Variants in GOLGA8T observed in about 807,000 individuals in gnomAD.
The protein encoded by GOLGA8T is golgin subfamily A member 8T.
In GOLGA8T, 17 loss-of-function variants were observed where a neutral mutation model predicts 52.0. The ratio of observed to expected loss-of-function variants is 0.33; its 90% CI spans 0.22 to 0.49. The LOEUF (loss-of-function observed/expected upper bound fraction) is 0.49. Ranked by LOEUF, GOLGA8T falls within the 20% of genes least tolerant of loss-of-function variation. GOLGA8T has a pLI of 0.99. For synonymous variants in GOLGA8T, 67 were observed against 169.5 expected, an observed-to-expected ratio of 0.40 and a Z score of 4.70; for missense variants, 154 against 462.1, an observed-to-expected ratio of 0.33 and a Z score of 6.11.
At position 30,140,566 on chromosome 15, in the gene GOLGA8T, T is replaced by C. The variant is rs947138253; in HGVS notation, c.592-276T>C. ...GTTAGCACGGTACCTGGTGAAGCATTCCACAAAGGTTCAAACAGTGGTAAT... is the reference window on the plus strand; with the variant it reads ...GTTAGCACGGTACCTGGTGAAGCATCCCACAAAGGTTCAAACAGTGGTAAT... On this transcript the variant is annotated intron_variant, in intron 8 of 18. Transcript: ENST00000569052. Among the ~76,000 whole-genome samples, 104 of 137,246 alleles carry C rather than the reference T, an allele frequency of 7.6e-4. 1 individual carries two copies. Among genetic ancestry groups the C allele is most frequent in the African/African-American group, 1.6e-3 (53 of 32,222 alleles). 90.0% of individuals were successfully genotyped at this position (137,246 alleles called of 152,430 possible).
At chr15:30,143,503 C>T (rs2057775094) in intron 13 of GOLGA8T, 103 bp from the exon 14 acceptor site, 1 of 1,363,864 alleles carries the variant, frequency 7.3e-7, no homozygotes, top group Non-Finnish European at 9.6e-7. Flanking sequence ...GATGGCCTGC[C>T]AAAAGTTGCA....
In GOLGA8T at chr15:30,142,390, A is replaced by G. The variant is rs1443413283; in HGVS notation, c.1200+8A>G. 4 of 1,563,400 alleles carry G rather than the reference A, an allele frequency of 2.6e-6. No individual in the cohort carries two copies. The highest frequency in any genetic ancestry group is 2.3e-5 in the South Asian group (2 of 87,838). Reference sequence around the variant, plus strand: ...CAGGAGAAGCTTGGCGAGGTGAAGGAGACGGAAACCTCCACCCCATCCAAG... The same window carrying G: ...CAGGAGAAGCTTGGCGAGGTGAAGGGGACGGAAACCTCCACCCCATCCAAG... On this transcript the variant is annotated splice_region_variant and intron_variant, in intron 13 of 18. Coordinates refer to ENST00000569052, the MANE Select transcript of GOLGA8T (RefSeq NM_001355469.2).
intron 2 of GOLGA8T, among the ~76,000 whole-genome samples, 196 bp downstream of exon 2, chr15:30,137,181 T>A (rs1230790665): frequency 2.7e-5 from 4 of 146,188 alleles, no homozygotes; most frequent in African/African-American, 1.0e-4. Flanking sequence ...ATCGAGACCA[T>A]CCTGGTTAAC....
In GOLGA8T at chr15:30,142,503, C is replaced by A. The variant is rs1020245769; in HGVS notation, c.1200+121C>A. 4.6e-6 allele frequency: 7 copies of A among 1,508,672 alleles called. 1 individual carries two copies. Among genetic ancestry groups the A allele is most frequent in the East Asian group, 5.0e-5 (2 of 39,858 alleles). 93.5% of individuals were successfully genotyped at this position (1,508,672 alleles called of 1,614,324 possible). A position where few individuals can be genotyped will look rare whatever the true frequency, so the allele number is the denominator to read the frequency against. On this transcript the variant is annotated intron_variant, in intron 13 of 18. Transcript: ENST00000569052. ...AGCCTGGGGGCTGGTGACCACAGCA[C>A]CCCCCAGGGCAGTCCTGTTTCTTGC...
In GOLGA8T at chr15:30,142,425, G is replaced by A; in HGVS notation, c.1200+43G>A. ...CTCCACCCCATCCAAGAAGGGCTGG[G>A]AGGCGGGCAGCAGACTCTGGGGAGG... On this transcript the variant is annotated intron_variant, in intron 13 of 18. Transcript: ENST00000569052. The A allele has an allele frequency of 1.3e-6, 2 of 1,579,672 alleles. 1 individual carries two copies. The highest frequency in any genetic ancestry group is 2.9e-5 in the African/African-American group (2 of 69,496).
Position 30,148,577 on chromosome 15 carries a change from G to A in GOLGA8T, c.*3010G>A, listed in dbSNP as rs2057847139. 7.3e-6 allele frequency among the ~76,000 whole-genome samples: 1 copy of A among 137,694 alleles called. No homozygotes were observed. The highest frequency in any genetic ancestry group is 2.5e-4 in the South Asian group (1 of 4,032). 90.3% of individuals were successfully genotyped at this position (137,694 alleles called of 152,430 possible). ...GGGAACGAAAAGCAGAGAAAGAAAT[G>A]CCAATTCCAGTCCAAAGTTTTATTT... On this transcript the variant is annotated 3_prime_UTR_variant, in exon 19 of 19. Coordinates refer to ENST00000569052, the MANE Select transcript of GOLGA8T (RefSeq NM_001355469.2).
intron 13 of GOLGA8T, among the ~76,000 whole-genome samples, chr15:30,143,382 C>T (rs2057772968): frequency 1.7e-5 from 2 of 118,078 alleles, no homozygotes; most frequent in South Asian, 2.5e-4. Context: ...ACGTGGCCAC[C>T]TATCAGCAGC....
Position 30,141,913 on chromosome 15 carries a change from A to G in GOLGA8T, c.986A>G (p.Asn329Ser). The G allele has an allele frequency of 2.0e-6, 1 of 494,894 alleles. No homozygotes were observed. The highest frequency in any genetic ancestry group is 3.3e-6 in the Non-Finnish European group (1 of 303,112). The allele number at this position is 494,894 out of a possible 1,614,324, so 30.7% of individuals were successfully genotyped here. ...AGELQAQVKK[N>S]QRISLLNQRQ... ...GAGCTCCAGGCCCAGGTCAAAAAGA[A>G]TCAGCGCATAAGTCTCCTGAACCAG... The change falls in exon 12 of 19, where the codon AAT becomes AGT. Residue 329 changes from asparagine to serine, a missense_variant. By Grantham distance (46) the Asn-to-Ser change is conservative (BLOSUM62 1). Around this residue, in one of 6 missense-constraint regions of GOLGA8T, gnomAD observed 54 missense variants for 51.5 expected, o/e 1.05. Transcript: ENST00000569052.
chr15:30,142,298 G>A lies in GOLGA8T; in HGVS notation c.1132-16G>A. 6.8e-7 allele frequency: 1 copy of A among 1,480,574 alleles called. No homozygotes were observed. The highest frequency in any genetic ancestry group is 1.2e-5 in the South Asian group (1 of 84,632). 91.7% of individuals were successfully genotyped at this position (1,480,574 alleles called of 1,614,324 possible). On this transcript the variant is annotated splice_polypyrimidine_tract_variant and intron_variant, in intron 12 of 18. Coordinates refer to ENST00000569052, the MANE Select transcript of GOLGA8T (RefSeq NM_001355469.2). ...CAGCTGCAGTGGGTGGCTGCTGATT[G>A]CTTCTCTCTGTCCAGAACAATGAGA...
Position 30,141,480 on chromosome 15 carries a change from G to T in GOLGA8T, c.874+55G>T. ...AGGACTGGCATCAGAGGGCTGTGAGGGTGGCTTAGAGTGCCCCAGGGAGGT... is the reference window on the plus strand; with the variant it reads ...AGGACTGGCATCAGAGGGCTGTGAGTGTGGCTTAGAGTGCCCCAGGGAGGT... On this transcript the variant is annotated intron_variant, in intron 11 of 18. Coordinates refer to ENST00000569052, the MANE Select transcript of GOLGA8T (RefSeq NM_001355469.2). The T allele has an allele frequency of 1.3e-6, 2 of 1,507,656 alleles. 1 individual carries two copies. Among genetic ancestry groups the T allele is most frequent in the Non-Finnish European group, 1.8e-6 (2 of 1,139,808 alleles). 93.4% of individuals were successfully genotyped at this position (1,507,656 alleles called of 1,614,324 possible).
Position 30,142,350 on chromosome 15 carries a change from C to G in GOLGA8T, c.1168C>G (p.Gln390Glu). 6.4e-7 allele frequency: 1 copy of G among 1,551,500 alleles called. No individual in the cohort carries two copies. ...ENKNALQLEQ[Q>E]VKELQEKLGE... is the part of the protein sequence containing the mutation. ...CAAGAACGCACTGCAGTTGGAGCAG[C>G]AAGTAAAGGAGCTACAGGAGAAGCT... The change falls in exon 13 of 19, where the codon CAA becomes GAA. Residue 390 changes from glutamine (Q) to glutamate (E), a missense_variant. By Grantham distance (29) the Gln-to-Glu change is conservative. Around this residue, in one of 6 missense-constraint regions of GOLGA8T, gnomAD observed 54 missense variants for 51.5 expected, o/e 1.05. Transcript: ENST00000569052.
At chr15:30,140,570 C>T (rs2057728856) in intron 8 of GOLGA8T, among the ~76,000 whole-genome samples, 1 of 137,826 alleles carries the variant, frequency 7.3e-6, no homozygotes, top group Admixed American at 7.1e-5. Flanking sequence ...AAGCATTCCA[C>T]AAAGGTTCAA....
chr15:30,141,493 G>A, intron 11 of GOLGA8T, 68 bp downstream of exon 11: 1 of 1,420,842 alleles, frequency 7.0e-7, no homozygotes, highest in Non-Finnish European at 9.4e-7. Flanking sequence ...GGCTTAGAGT[G>A]CCCCAGGGAG....
intron 13 of GOLGA8T, 31 bp downstream of exon 13, chr15:30,142,413 A>G (rs780924859): frequency 1.3e-6 from 2 of 1,574,772 alleles, no homozygotes; most frequent in Non-Finnish European, 1.7e-6. Flanking sequence ...CACCCCATCC[A>G]AGAAGGGCTG....
In GOLGA8T at chr15:30,145,543, T is replaced by C; in HGVS notation, c.1872T>C (p.Ala624=). 6.6e-7 allele frequency: 1 copy of C among 1,522,236 alleles called. No homozygotes were observed. Among genetic ancestry groups the C allele is most frequent in the Non-Finnish European group, 8.7e-7 (1 of 1,150,988 alleles). The allele number at this position is 1,522,236 out of a possible 1,614,324, so 94.3% of individuals were successfully genotyped here. The stretch of plus-strand genomic sequence containing the variant: ...GCTGTGTGCCATTCTTGTGCTGGGC[T>C]TGGCTGCCAAGAAGAAGGAGATAAA... ...SNCCVPFLCW[A]WLPRRRR is the part of the protein sequence containing the mutation. The change falls in exon 19 of 19, where the codon GCT becomes GCC. Residue 624 remains alanine (A), a synonymous_variant. Coordinates refer to ENST00000569052, the MANE Select transcript of GOLGA8T (RefSeq NM_001355469.2).
Position 30,145,656 on chromosome 15 carries a change from C to T in GOLGA8T, c.*89C>T, listed in dbSNP as rs1203864823. 2.4e-6 allele frequency: 2 copies of T among 838,890 alleles called. No individual in the cohort carries two copies. The highest frequency in any genetic ancestry group is 3.5e-6 in the Non-Finnish European group (2 of 569,318). 52.0% of individuals were successfully genotyped at this position (838,890 alleles called of 1,614,324 possible). ...ATCTCCTACACAATTCATTTACTTC[C>T]TTTGAATGTTAGACTCACTCATGAT... is the stretch of plus-strand genomic sequence containing the variant. On this transcript the variant is annotated 3_prime_UTR_variant, in exon 19 of 19. Transcript: ENST00000569052.
chr15:30,141,446 C>T lies in GOLGA8T; in HGVS notation c.874+21C>T, dbSNP rs756617275. ...GATGGGTAAGATGGGGCTGGCATGA[C>T]CTAGGAGCAGGACTGGCATCAGAGG... On this transcript the variant is annotated intron_variant, in intron 11 of 18. Coordinates refer to ENST00000569052, the MANE Select transcript of GOLGA8T (RefSeq NM_001355469.2). 9 of 1,522,044 alleles carry T rather than the reference C, an allele frequency of 5.9e-6. 1 individual carries two copies. Among genetic ancestry groups the T allele is most frequent in the Non-Finnish European group, 7.0e-6 (8 of 1,150,254 alleles). The allele number at this position is 1,522,044 out of a possible 1,614,324, so 94.3% of individuals were successfully genotyped here.
chr15:30,140,559 G>A (rs1159051624), intron 8 of GOLGA8T, among the ~76,000 whole-genome samples: 129 of 135,224 alleles, frequency 9.5e-4, no homozygotes, highest in African/African-American at 4.1e-3. Flanking sequence ...GGTACCTGGT[G>A]AAGCATTCCA....
Position 30,144,956 on chromosome 15 carries a change from C to T in GOLGA8T, c.1467-3C>T, listed in dbSNP as rs2057803262. The T allele has an allele frequency of 2.2e-6, 3 of 1,384,104 alleles. No homozygotes were observed. Among genetic ancestry groups the T allele is most frequent in the South Asian group, 1.3e-5 (1 of 78,892 alleles). 85.7% of individuals were successfully genotyped at this position (1,384,104 alleles called of 1,614,324 possible). A position where few individuals can be genotyped will look rare whatever the true frequency, so the allele number is the denominator to read the frequency against. The stretch of plus-strand genomic sequence containing the variant: ...CCAGCGTCTGAGCCCTGTCCTCCCG[C>T]AGGAAAACCCATCACCTTTTATCAG... On this transcript the variant is annotated splice_polypyrimidine_tract_variant and splice_region_variant and intron_variant, in intron 16 of 18. Coordinates refer to ENST00000569052, the MANE Select transcript of GOLGA8T (RefSeq NM_001355469.2).
Sources: allele counts gnomAD v4.1 joint callset (sites outside exome capture counted in the v4.1 genomes callset), GRCh38; gene constraint gnomAD v4.1.1; regional missense constraint gnomAD v4.1.1; transcripts MANE v1.5; gene names NCBI Gene and HGNC (gene_info 2026-07-23, HGNC 2026-07-21).